Variants in ZNF804B observed in about 807,000 individuals in gnomAD.
The protein encoded by ZNF804B is zinc finger 804B.
A neutral mutation model predicts 101.4 loss-of-function variants in ZNF804B; 80 were observed. The ratio of observed to expected loss-of-function variants is 0.79; its 90% CI spans 0.66 to 0.95. ZNF804B has a LOEUF of 0.95. Ranked by LOEUF, ZNF804B falls within the 40% of genes least tolerant of loss-of-function variation. ZNF804B has a pLI of 0.00. For synonymous variants in ZNF804B, 622 were observed against 558.8 expected, an observed-to-expected ratio of 1.11 and a Z score of -1.59; for missense variants, 1,673 against 1,561.9, an observed-to-expected ratio of 1.07 and a Z score of -1.20.
chr7:89,328,153 G>C (rs909399282), intron 3 of ZNF804B, among the ~76,000 whole-genome samples: 1 of 151,910 alleles, frequency 6.6e-6, no homozygotes, highest in Non-Finnish European at 1.5e-5. Flanking sequence ...CAGCAACCTA[G>C]TGAATTGTGA....
chr7:88,966,890 T>C (rs1793462697), intron 1 of ZNF804B, among the ~76,000 whole-genome samples: 1 of 151,468 alleles, frequency 6.6e-6, no homozygotes. Context: ...TGCTCCACCA[T>C]AGGTGTACTG....
intron 2 of ZNF804B, among the ~76,000 whole-genome samples, chr7:89,229,355 C>G (rs138722654): frequency 4.6e-5 from 7 of 152,092 alleles, no homozygotes; most frequent in Admixed American, 4.6e-4. Context: ...ATATAAAGAC[C>G]GATTAAAAGA....
intron 1 of ZNF804B, among the ~76,000 whole-genome samples, chr7:88,912,896 A>C (rs1792570398): frequency 6.6e-6 from 1 of 152,220 alleles, no homozygotes; most frequent in Admixed American, 6.5e-5. Context: ...AAATTCTAAT[A>C]GGAGTGTTAC....
intron 1 of ZNF804B, among the ~76,000 whole-genome samples, chr7:88,849,639 A>C (rs1583974663): frequency 6.6e-6 from 1 of 151,806 alleles, no homozygotes; most frequent in East Asian, 1.9e-4. Flanking sequence ...AACTGAGATC[A>C]CAGGTGCCCG....
At chr7:89,146,731 T>C (rs1790795227) in intron 1 of ZNF804B, among the ~76,000 whole-genome samples, 1 of 151,912 alleles carries the variant, frequency 6.6e-6, no homozygotes, top group Non-Finnish European at 1.5e-5. Context: ...TATTAAAAAT[T>C]AATAAGATAA....
At chr7:89,326,109 G>C (rs573889942) in intron 2 of ZNF804B, among the ~76,000 whole-genome samples, 19 of 151,898 alleles carry the variant, frequency 1.3e-4, no homozygotes, top group Admixed American at 3.3e-4. Flanking sequence ...ATAACATATA[G>C]AGCATAATTA....
chr7:89,098,136 A>C (rs1789995579), intron 1 of ZNF804B, among the ~76,000 whole-genome samples: 1 of 152,144 alleles, frequency 6.6e-6, no homozygotes, highest in African/African-American at 2.4e-5. Context: ...TAGGAAGTTA[A>C]GTAAGCTGTG....
At chr7:89,159,110 T>G (rs926946997) in intron 1 of ZNF804B, among the ~76,000 whole-genome samples, 2 of 152,138 alleles carry the variant, frequency 1.3e-5, no homozygotes, top group African/African-American at 4.8e-5. Flanking sequence ...ATTTACTAAG[T>G]CATCTCTCTA....
chr7:88,794,435 C>A (rs139432346), intron 1 of ZNF804B: 12 of 1,613,576 alleles, frequency 7.4e-6, no homozygotes, highest in African/African-American at 1.3e-5. Context: ...TCTGTGATGA[C>A]CTCCTTTAGG....
At chr7:89,094,927 C>T (rs182132931) in intron 1 of ZNF804B, among the ~76,000 whole-genome samples, 1 of 152,072 alleles carries the variant, frequency 6.6e-6, no homozygotes, top group African/African-American at 2.4e-5. Context: ...CAATATCTAT[C>T]ATGGTCTTCA....
At chr7:88,796,480 C>A (rs1016267238) in intron 1 of ZNF804B, among the ~76,000 whole-genome samples, 3 of 152,070 alleles carry the variant, frequency 2.0e-5, no homozygotes, top group Admixed American at 2.0e-4. Flanking sequence ...CATGTCATTG[C>A]CCAGTCTAGT....
intron 1 of ZNF804B, among the ~76,000 whole-genome samples, chr7:89,165,159 A>G (rs1791122977): frequency 6.6e-6 from 1 of 152,088 alleles, no homozygotes; most frequent in Non-Finnish European, 1.5e-5. Flanking sequence ...CTGTATGGCT[A>G]AAAAAAGAAA....
intron 1 of ZNF804B, among the ~76,000 whole-genome samples, chr7:89,009,502 T>G (rs1260486364): frequency 6.6e-6 from 1 of 152,184 alleles, no homozygotes; most frequent in Non-Finnish European, 1.5e-5. Context: ...TTAATTGATG[T>G]GCAATGGACT....
At position 88,766,671 on chromosome 7, in the gene ZNF804B, A is replaced by G. The variant is rs370166440; in HGVS notation, c.108+6587A>G. Among the ~76,000 whole-genome samples, 16 of 152,258 alleles carry G rather than the reference A, an allele frequency of 1.1e-4. 2 individuals are homozygous for G. Among genetic ancestry groups the G allele is most frequent in the African/African-American group, 3.6e-4 (15 of 41,566 alleles). On this transcript the variant is annotated intron_variant, in intron 1 of 3. Coordinates refer to ENST00000333190, the MANE Select transcript of ZNF804B (RefSeq NM_181646.5). ...TAGTCCAGCTCTGATTCTATTTCCA[A>G]TGACTCTCGTTATTTTTACATTTAT...
At chr7:89,162,317 G>A (rs1450113563) in intron 1 of ZNF804B, among the ~76,000 whole-genome samples, 1 of 151,884 alleles carries the variant, frequency 6.6e-6, no homozygotes, top group African/African-American at 2.4e-5. Context: ...TTAAATATTG[G>A]GATTGAAAAT....
intron 1 of ZNF804B, among the ~76,000 whole-genome samples, chr7:88,858,850 T>A (rs1439138858): frequency 6.6e-6 from 1 of 152,154 alleles, no homozygotes; most frequent in Admixed American, 6.6e-5. Context: ...GTGAACTTGA[T>A]GCCAATATTT....
chr7:89,281,101 G>C (rs988335025), intron 2 of ZNF804B, among the ~76,000 whole-genome samples: 8 of 152,008 alleles, frequency 5.3e-5, no homozygotes, highest in Admixed American at 4.6e-4. Context: ...ATATCCTGTT[G>C]TTCATGGATT....
At chr7:88,928,608 C>A (rs1792840414) in intron 1 of ZNF804B, among the ~76,000 whole-genome samples, 1 of 152,060 alleles carries the variant, frequency 6.6e-6, no homozygotes, top group Non-Finnish European at 1.5e-5. Context: ...TAAAAAGAAG[C>A]AAAAGTGACA....
At chr7:89,319,204 T>A (rs1790776845) in intron 2 of ZNF804B, among the ~76,000 whole-genome samples, 1 of 152,140 alleles carries the variant, frequency 6.6e-6, no homozygotes, top group Non-Finnish European at 1.5e-5. Context: ...TTATGGCCAG[T>A]CTTGGGGCCA....
Sources: gnomAD v4.1 joint callset for allele counts (sites outside exome capture counted in the v4.1 genomes callset) on GRCh38, gnomAD v4.1.1 for gene constraint, MANE v1.5 for transcripts, NCBI Gene and HGNC (gene_info 2026-07-23, HGNC 2026-07-21) for gene names.